Variants in UBE2U observed in about 807,000 individuals in gnomAD.
UBE2U encodes ubiquitin-conjugating enzyme E2 U.
In UBE2U, 39 loss-of-function variants were observed where a neutral mutation model predicts 41.2. The ratio of observed to expected loss-of-function variants is 0.95; its 90% CI spans 0.73 to 1.24. UBE2U has a LOEUF of 1.24. Among genes scored for constraint, UBE2U ranks in the 50% most tolerant of loss-of-function variants. The pLI is 0.00. For missense variants in UBE2U, 336 were observed against 363.1 expected (o/e 0.93, Z 0.61); for synonymous variants, 107 against 117.8 (o/e 0.91, Z 0.60).
At position 64,252,380 on chromosome 1, in the gene UBE2U, C is replaced by T. The variant is rs1055473701; in HGVS notation, c.678-8223C>T. ...AGGAAGGGTCCCCCTCAATGCAGCACATCTTCTCTACTAAAAAGCAGCCAG... is the reference window on the plus strand; with the variant it reads ...AGGAAGGGTCCCCCTCAATGCAGCATATCTTCTCTACTAAAAAGCAGCCAG... On this transcript the variant is annotated intron_variant, in intron 8 of 9. Transcript: ENST00000371077. Among the ~76,000 whole-genome samples the T allele has an allele frequency of 2.6e-5, 4 of 152,176 alleles. 1 individual carries two copies. The South Asian group carries it at 6.2e-4, about 24-fold the overall frequency.
intron 3 of UBE2U, among the ~76,000 whole-genome samples, chr1:64,208,553 A>G (rs924890100): frequency 1.6e-5 from 2 of 128,312 alleles, no homozygotes; most frequent in African/African-American, 5.8e-5. Flanking sequence ...GCAGTGAGCC[A>G]TGATTGTGCC....
At chr1:64,259,173 G>C (rs1032976811) in intron 8 of UBE2U, among the ~76,000 whole-genome samples, 1 of 152,006 alleles carries the variant, frequency 6.6e-6, no homozygotes, top group African/African-American at 2.4e-5. Flanking sequence ...GGGGTTGTTT[G>C]TTTTTTTCTT....
At chr1:64,265,716 T>C (rs1042672551) in intron 9 of UBE2U, among the ~76,000 whole-genome samples, 12 of 152,114 alleles carry the variant, frequency 7.9e-5, no homozygotes, top group African/African-American at 2.9e-4. Flanking sequence ...GCAGCTGAGA[T>C]TACAGGCTCC....
chr1:64,207,826 C>T (rs1363875479), intron 3 of UBE2U, among the ~76,000 whole-genome samples: 1 of 152,128 alleles, frequency 6.6e-6, no homozygotes, highest in Non-Finnish European at 1.5e-5. Flanking sequence ...CCTGTTAAAA[C>T]TTCTCTACGG....
rs1231928702 is a variant in UBE2U, at chr1:64,212,275, C to T, written c.339+1436C>T. 2.0e-5 allele frequency among the ~76,000 whole-genome samples: 3 copies of T among 152,068 alleles called. No individual in the cohort carries two copies. In the East Asian group the frequency reaches 5.8e-4, roughly 29 times the overall value. ...TCTCATCCACCTAAACTAGAGTCTGCCCTAAGAATAGCAAAATGATCCCAA... is the reference window on the plus strand; with the variant it reads ...TCTCATCCACCTAAACTAGAGTCTGTCCTAAGAATAGCAAAATGATCCCAA... On this transcript the variant is annotated intron_variant, in intron 4 of 9. Coordinates refer to ENST00000371077, the MANE Select transcript of UBE2U (RefSeq NM_001366232.2).
intron 6 of UBE2U, among the ~76,000 whole-genome samples, chr1:64,225,719 C>G (rs769095524): frequency 2.6e-5 from 4 of 152,044 alleles, no homozygotes; most frequent in African/African-American, 9.7e-5. Context: ...ATTACTGATT[C>G]GATGTGAGTT....
intron 4 of UBE2U, among the ~76,000 whole-genome samples, chr1:64,212,010 A>T (rs1485717513): frequency 1.3e-5 from 2 of 152,228 alleles, no homozygotes; most frequent in Non-Finnish European, 2.9e-5. Flanking sequence ...TTTGAAAATA[A>T]ATAAAATAAT....
At chr1:64,263,705 T>C (rs1034770979) in intron 9 of UBE2U, among the ~76,000 whole-genome samples, 2 of 152,160 alleles carry the variant, frequency 1.3e-5, no homozygotes, top group Non-Finnish European at 2.9e-5. Flanking sequence ...TGGCATGTCA[T>C]AGTTTGCCAG....
At chr1:64,219,028 C>A (rs1462211614) in intron 5 of UBE2U, among the ~76,000 whole-genome samples, 5 of 152,100 alleles carry the variant, frequency 3.3e-5, no homozygotes, top group Admixed American at 6.6e-5. Context: ...TGGGTTGGAG[C>A]TCCTGCTTGC....
intron 4 of UBE2U, 110 bp from the exon 5 acceptor site, chr1:64,214,705 C>T (rs1214885294): frequency 4.0e-6 from 3 of 752,436 alleles, no homozygotes; most frequent in Admixed American, 4.3e-5. Flanking sequence ...CAGATCCATA[C>T]ATAGTAAGCA....
chr1:64,237,002 A>C (rs190467158), intron 7 of UBE2U, among the ~76,000 whole-genome samples: 1 of 152,282 alleles, frequency 6.6e-6, no homozygotes, highest in East Asian at 1.9e-4. Context: ...AAGGCTGGGA[A>C]GGTCCTAGTG....
intron 9 of UBE2U, among the ~76,000 whole-genome samples, chr1:64,260,925 A>C (rs570290445): frequency 7.9e-5 from 12 of 152,304 alleles, no homozygotes; most frequent in African/African-American, 2.9e-4. Flanking sequence ...TTTCAAGCTT[A>C]CTACCCTTTA....
intron 1 of UBE2U, among the ~76,000 whole-genome samples, chr1:64,204,766 GA>G (rs1459020671): frequency 6.6e-6 from 1 of 152,182 alleles, no homozygotes; most frequent in Non-Finnish European, 1.5e-5. Flanking sequence ...AGAACAGAAA[GA>G]AAGCTGTCCA....
chr1:64,240,365 G>A (rs1644815019), intron 7 of UBE2U, among the ~76,000 whole-genome samples: 1 of 152,174 alleles, frequency 6.6e-6, no homozygotes, highest in African/African-American at 2.4e-5. Flanking sequence ...GCTTCCCTGT[G>A]AGCTATTAGA....
In UBE2U at chr1:64,250,835, T is replaced by G. The variant is rs533125766; in HGVS notation, c.677+9102T>G. 4.1e-4 allele frequency among the ~76,000 whole-genome samples: 61 copies of G among 147,710 alleles called. No individual in the cohort carries two copies. In the South Asian group the frequency reaches 0.013, roughly 31 times the overall value. On this transcript the variant is annotated intron_variant, in intron 8 of 9. Coordinates refer to ENST00000371077, the MANE Select transcript of UBE2U (RefSeq NM_001366232.2). ...AGGACAAAAAACCAAACACCATATG[T>G]TCTCACTCATAGGTGGGAATTGAAC...
intron 8 of UBE2U, among the ~76,000 whole-genome samples, chr1:64,257,914 T>C (rs1557749147): frequency 1.3e-5 from 2 of 151,690 alleles, no homozygotes; most frequent in Admixed American, 6.6e-5. Context: ...TTTCACACAT[T>C]GAAAAAAAAA....
intron 7 of UBE2U, among the ~76,000 whole-genome samples, chr1:64,240,612 CT>C (rs1557733480): frequency 6.6e-6 from 1 of 152,294 alleles, no homozygotes; most frequent in South Asian, 2.1e-4. Context: ...CAAGCAAGGT[CT>C]TTAATGTCAT....
chr1:64,221,029 C>A (rs866248940), intron 6 of UBE2U, 122 bp downstream of exon 6: 2 of 641,020 alleles, frequency 3.1e-6, no homozygotes. Context: ...CTTATAATAT[C>A]TTTTTAAAAT....
chr1:64,225,299 G>A (rs1652792131), intron 6 of UBE2U, among the ~76,000 whole-genome samples: 1 of 152,158 alleles, frequency 6.6e-6, no homozygotes, highest in South Asian at 2.1e-4. Context: ...TTTAGTATTT[G>A]TATGCTGTGA....
Sources: allele counts gnomAD v4.1 joint callset (sites outside exome capture counted in the v4.1 genomes callset), GRCh38; gene constraint gnomAD v4.1.1; transcripts MANE v1.5; gene names NCBI Gene and HGNC (gene_info 2026-07-23, HGNC 2026-07-21).